The following ZNF618 variants were observed in gnomAD, a reference collection of about 807,000 sequenced individuals.
The protein encoded by ZNF618 is neural precursor cell expressed, developmentally down-regulated 10.
A neutral mutation model predicts 103.0 loss-of-function variants in ZNF618; 34 were observed. That is an observed-to-expected ratio of 0.33 (90% confidence interval 0.25 to 0.44). ZNF618 has a LOEUF of 0.44. ZNF618 is among the 20% of genes least tolerant of loss of function. ZNF618 has a pLI of 1.00. For synonymous variants in ZNF618, 551 were observed against 542.2 expected, an observed-to-expected ratio of 1.02 and a Z score of -0.23; for missense variants, 1,059 against 1,295.4, an observed-to-expected ratio of 0.82 and a Z score of 2.80.
At chr9:114,015,076 T>C (rs1051953112) in intron 9 of ZNF618, among the ~76,000 whole-genome samples, 31 of 152,172 alleles carry the variant, frequency 2.0e-4, no homozygotes, top group African/African-American at 7.2e-4. Flanking sequence ...AAATAATATA[T>C]TTAATACAGT....
intron 3 of ZNF618, among the ~76,000 whole-genome samples, chr9:113,993,618 G>C (rs1396145022): frequency 3.9e-5 from 6 of 152,146 alleles, no homozygotes. Flanking sequence ...TTACTAATGA[G>C]GGAGTCCAGG....
intron 10 of ZNF618, among the ~76,000 whole-genome samples, chr9:114,019,745 G>C (rs1842924247): frequency 2.6e-5 from 4 of 152,092 alleles, no homozygotes. Context: ...AGTAGGCCTG[G>C]GTTCTTTGCC....
Position 114,049,618 on chromosome 9 carries a change from G to A in ZNF618, c.2316G>A (p.Thr772=), listed in dbSNP as rs367827128. The change falls in exon 15 of 15, where the codon ACG becomes ACA. Residue 772 remains threonine (T), a synonymous_variant. Transcript: ENST00000374126. ...PTYVRLEKLF[T]AKANDAGTVS... ...ACGTCAGGCTGGAGAAGCTGTTCAC[G>A]GCCAAGGCCAACGACGCAGGCACTG... The A allele has an allele frequency of 1.1e-5, 18 of 1,613,714 alleles. No homozygotes were observed. Among genetic ancestry groups the A allele is most frequent in the African/African-American group, 6.7e-5 (5 of 74,942 alleles).
chr9:114,038,110 G>A (rs1163094489), intron 13 of ZNF618, among the ~76,000 whole-genome samples: 1 of 152,182 alleles, frequency 6.6e-6, no homozygotes, highest in East Asian at 1.9e-4. Flanking sequence ...CTCGGGCTAG[G>A]GACAGCAGTT....
intron 1 of ZNF618, among the ~76,000 whole-genome samples, chr9:113,960,192 T>G (rs1392250078): frequency 1.3e-5 from 2 of 152,250 alleles, no homozygotes; most frequent in African/African-American, 4.8e-5. Context: ...CTCTCAGTCC[T>G]GCAGCTTTCT....
At chr9:113,938,635 C>G (rs1252214882) in intron 1 of ZNF618, among the ~76,000 whole-genome samples, 1 of 143,528 alleles carries the variant, frequency 7.0e-6, no homozygotes, top group East Asian at 2.2e-4. Context: ...GTGGCGCAGT[C>G]TTGGCTCACT....
At chr9:113,883,694 C>T (rs1287993648) in intron 1 of ZNF618, among the ~76,000 whole-genome samples, 1 of 152,048 alleles carries the variant, frequency 6.6e-6, no homozygotes, top group Non-Finnish European at 1.5e-5. Context: ...ACTTTGTGGC[C>T]AATTTCAGCA....
At chr9:114,001,807 C>G (rs814704) in intron 4 of ZNF618, among the ~76,000 whole-genome samples, 189 bp from the exon 5 acceptor site, 139,768 of 152,140 alleles carry the variant, frequency 0.92, 64,393 homozygotes, top group East Asian at 1. Context: ...AGGTCACCCA[C>G]AGAGTGGAGG....
chr9:114,032,783 C>A, intron 12 of ZNF618, 55 bp downstream of exon 12: 2 of 1,509,446 alleles, frequency 1.3e-6, no homozygotes, highest in South Asian at 1.1e-5. Flanking sequence ...TTCGCCCGCT[C>A]CCCCCTGGCA....
rs113819665 is a variant in ZNF618 at position 114,050,442 on chromosome 9, G to GCACACACACACACACA, written c.*293_*308dup. 1.7e-4 allele frequency: 35 copies of GCACACACACACACACA among 210,436 alleles called. No homozygotes were observed. The highest frequency in any genetic ancestry group is 7.6e-4 in the African/African-American group (31 of 40,890). 13.0% of individuals were successfully genotyped at this position (210,436 alleles called of 1,614,324 possible). A position where few individuals can be genotyped will look rare whatever the true frequency, so the allele number is the denominator to read the frequency against. Reference sequence around the variant, plus strand: ...ATGGCCAGAGAAACTTTGCACACACGCACACACACACACACACACACACAC... The same window carrying GCACACACACACACACA: ...ATGGCCAGAGAAACTTTGCACACACGCACACACACACACACACACACACACACACACACACACACAC... On this transcript the variant is annotated 3_prime_UTR_variant, in exon 15 of 15. Transcript: ENST00000374126.
intron 2 of ZNF618, among the ~76,000 whole-genome samples, chr9:113,978,870 G>T (rs944707499): frequency 2.6e-5 from 4 of 152,192 alleles, no homozygotes; most frequent in African/African-American, 9.6e-5. Context: ...GTAGGTGTGG[G>T]CCCGGAGCAC....
chr9:113,903,370 A>G (rs777357007), intron 1 of ZNF618, among the ~76,000 whole-genome samples: 1 of 152,124 alleles, frequency 6.6e-6, no homozygotes, highest in Non-Finnish European at 1.5e-5. Context: ...TTATACATTT[A>G]CAGATACAAC....
At chr9:113,968,269 A>G (rs1275809219) in intron 1 of ZNF618, among the ~76,000 whole-genome samples, 1 of 152,208 alleles carries the variant, frequency 6.6e-6, no homozygotes, top group Non-Finnish European at 1.5e-5. Context: ...GTTTCAAAAT[A>G]TAAGACATAG....
chr9:113,990,509 A>T (rs773527341), intron 3 of ZNF618, among the ~76,000 whole-genome samples: 3 of 152,184 alleles, frequency 2.0e-5, no homozygotes, highest in Non-Finnish European at 2.9e-5. Flanking sequence ...AGTAGCTCAA[A>T]ACCACAGCAG....
At chr9:114,045,753 C>A (rs1845598913) in intron 13 of ZNF618, among the ~76,000 whole-genome samples, 1 of 151,894 alleles carries the variant, frequency 6.6e-6, no homozygotes, top group Non-Finnish European at 1.5e-5. Context: ...TGCAGAAAAA[C>A]AACAACAATA....
intron 1 of ZNF618, among the ~76,000 whole-genome samples, chr9:113,939,820 AT>A (rs1439861885): frequency 2.6e-5 from 4 of 151,168 alleles, no homozygotes; most frequent in Non-Finnish European, 4.4e-5. Flanking sequence ...CCACTTTTTC[AT>A]TTTTTAATAT....
chr9:114,033,788 G>T (rs1048574420), intron 12 of ZNF618, among the ~76,000 whole-genome samples: 2 of 152,204 alleles, frequency 1.3e-5, no homozygotes, highest in African/African-American at 4.8e-5. Flanking sequence ...TTTCTTGCAT[G>T]GTTGAAATTT....
intron 4 of ZNF618, 58 bp downstream of exon 4, chr9:113,998,412 C>G (rs576714863): frequency 6.9e-7 from 1 of 1,442,240 alleles, no homozygotes; most frequent in East Asian, 2.5e-5. Flanking sequence ...GGGGGCACAG[C>G]TGGACACAGC....
At chr9:113,897,917 C>A (rs1006907935) in intron 1 of ZNF618, among the ~76,000 whole-genome samples, 3 of 152,082 alleles carry the variant, frequency 2.0e-5, no homozygotes, top group African/African-American at 7.2e-5. Flanking sequence ...ATTAGCCTCC[C>A]GAGTAGCTGG....
Sources: gnomAD v4.1 joint callset for allele counts (sites outside exome capture counted in the v4.1 genomes callset) on GRCh38, gnomAD v4.1.1 for gene constraint, MANE v1.5 for transcripts, NCBI Gene and HGNC (gene_info 2026-07-23, HGNC 2026-07-21) for gene names.